The following PARD3B variants were observed in gnomAD, a reference collection of about 807,000 sequenced individuals.
PARD3B encodes partitioning defective 3 homolog B.
A neutral mutation model predicts 130.2 loss-of-function variants in PARD3B; 103 were observed. The observed-to-expected ratio is 0.79, with a 90% confidence interval of 0.67 to 0.93. The LOEUF is 0.93. Among genes scored for constraint, PARD3B ranks in the 40% least tolerant of loss-of-function variants. PARD3B has a pLI of 0.00. For missense variants in PARD3B, 1,609 were observed against 1,499.2 expected (o/e 1.07, Z -1.21); for synonymous variants, 583 against 553.2 (o/e 1.05, Z -0.76).
chr2:204,708,456 T>C (rs2038285080), intron 2 of PARD3B, among the ~76,000 whole-genome samples: 1 of 152,226 alleles, frequency 6.6e-6, no homozygotes, highest in African/African-American at 2.4e-5. Flanking sequence ...GGTTATTAGA[T>C]TTCAGAAACG....
intron 22 of PARD3B, among the ~76,000 whole-genome samples, chr2:205,569,519 A>G (rs2053485439): frequency 6.6e-6 from 1 of 152,168 alleles, no homozygotes; most frequent in Non-Finnish European, 1.5e-5. Flanking sequence ...TAGTAATGTG[A>G]TTTTGTAATA....
chr2:204,998,854 C>T (rs957478885), intron 3 of PARD3B, among the ~76,000 whole-genome samples: 11 of 152,246 alleles, frequency 7.2e-5, no homozygotes, highest in African/African-American at 2.4e-4. Context: ...GCTGGGGTTA[C>T]AGGCATGCGC....
chr2:205,044,995 A>G (rs914853436), intron 3 of PARD3B, among the ~76,000 whole-genome samples: 8 of 152,138 alleles, frequency 5.3e-5, no homozygotes. Context: ...TAACACATTT[A>G]GAGAGAAAGA....
chr2:205,608,910 T>C (rs1237439709), intron 22 of PARD3B, among the ~76,000 whole-genome samples: 1 of 152,220 alleles, frequency 6.6e-6, no homozygotes, highest in African/African-American at 2.4e-5. Context: ...TGTACAAACA[T>C]TTCCTTGGTG....
chr2:205,485,555 G>A (rs2049405422), intron 20 of PARD3B, among the ~76,000 whole-genome samples: 1 of 152,102 alleles, frequency 6.6e-6, no homozygotes, highest in African/African-American at 2.4e-5. Flanking sequence ...TGATATATGG[G>A]GTTACAGAGA....
At chr2:205,283,855 A>T (rs1176756000) in intron 16 of PARD3B, among the ~76,000 whole-genome samples, 1 of 152,160 alleles carries the variant, frequency 6.6e-6, no homozygotes, top group Non-Finnish European at 1.5e-5. Context: ...CCCTGAAGTA[A>T]GCCAGCGGCC....
At chr2:205,214,023 T>C (rs1318448695) in intron 15 of PARD3B, among the ~76,000 whole-genome samples, 3 of 152,198 alleles carry the variant, frequency 2.0e-5, no homozygotes, top group African/African-American at 7.2e-5. Context: ...CCTCCTAGTC[T>C]TCTGTTCATT....
intron 1 of PARD3B, among the ~76,000 whole-genome samples, chr2:204,614,994 A>G (rs955549605): frequency 6.6e-6 from 1 of 152,174 alleles, no homozygotes; most frequent in Non-Finnish European, 1.5e-5. Flanking sequence ...TGTGAGGTAA[A>G]TGTTTTTCCA....
intron 21 of PARD3B, among the ~76,000 whole-genome samples, chr2:205,514,983 C>G (rs1383485702): frequency 6.6e-6 from 1 of 151,988 alleles, no homozygotes; most frequent in Non-Finnish European, 1.5e-5. Context: ...GCTCCTCTCC[C>G]TCCCCCGACC....
Position 205,265,972 on chromosome 2 carries a change from A to C in PARD3B, c.2185+20150A>C, listed in dbSNP as rs557969673. Among the ~76,000 whole-genome samples, 24 of 152,094 alleles carry C rather than the reference A, an allele frequency of 1.6e-4. No homozygotes were observed. The highest frequency in any genetic ancestry group is 3.9e-4 in the Admixed American group (6 of 15,276). ...GTTAAAAGCAGCATGCACATCCTAT[A>C]AGGCATCAGTCAGAAGACTCATTAG... is the stretch of plus-strand genomic sequence containing the variant. On this transcript the variant is annotated intron_variant, in intron 16 of 22. Transcript: ENST00000406610. This position sits in a 1 kb window ranked among gnomAD's most constrained non-coding sequence, Gnocchi z 4.3.
At chr2:205,048,535 A>G (rs1430045313) in intron 4 of PARD3B, 1 of 152,200 alleles carries the variant, frequency 6.6e-6, no homozygotes, top group Non-Finnish European at 1.5e-5. Flanking sequence ...TAACATAGCC[A>G]TATTAAAAAT....
chr2:205,394,936 C>T (rs1574908773), intron 18 of PARD3B, among the ~76,000 whole-genome samples: 2 of 152,234 alleles, frequency 1.3e-5, no homozygotes, highest in East Asian at 3.9e-4. Flanking sequence ...GATGGTTTCT[C>T]AGTGTGAATG....
intron 18 of PARD3B, among the ~76,000 whole-genome samples, chr2:205,311,012 A>G (rs369253353): frequency 3.9e-5 from 6 of 152,172 alleles, no homozygotes; most frequent in Non-Finnish European, 5.9e-5. Context: ...TTGAGCCACC[A>G]TGCCCAGCTG....
rs1354849751 is a variant in PARD3B at position 205,160,750 on chromosome 2, A to G, written c.1620+1843A>G. Among the ~76,000 whole-genome samples the G allele has an allele frequency of 6.6e-6, 1 of 152,222 alleles. No individual in the cohort carries two copies. The highest frequency in any genetic ancestry group is 1.9e-4 in the East Asian group (1 of 5,184). ...TGTTTTATATGGGTTATCTAACTTT[A>G]TTCACATTTACATTGGATTATTTTC... On this transcript the variant is annotated intron_variant, in intron 11 of 22. Transcript: ENST00000406610. The surrounding 1 kb of genome is among the most constrained non-coding windows in gnomAD (Gnocchi z 4.0).
At chr2:205,524,347 A>G (rs1010177550) in intron 21 of PARD3B, among the ~76,000 whole-genome samples, 1 of 152,178 alleles carries the variant, frequency 6.6e-6, no homozygotes, top group African/African-American at 2.4e-5. Flanking sequence ...AAACCTCAAC[A>G]TCAGGACTGT....
At chr2:205,299,577 A>ATATATATATATAAT (rs1259927127) in intron 16 of PARD3B, among the ~76,000 whole-genome samples, 1 of 3,398 alleles carries the variant, frequency 2.9e-4, no homozygotes, top group African/African-American at 9.4e-4. Flanking sequence ...ATATATATAT[A>ATATATATATATAAT]ATATATATAT....
chr2:205,322,912 TTTTTTTTTTTTTTTTTTTTG>T (rs2042802724), intron 18 of PARD3B, among the ~76,000 whole-genome samples: 1 of 111,582 alleles, frequency 9.0e-6, no homozygotes, highest in African/African-American at 3.4e-5. Context: ...TTTTTTTTTT[TTTTTTTTTTTTTTTTTTTTG>T]ATGGAGTCTT....
At chr2:204,764,614 G>A (rs2125414961) in intron 2 of PARD3B, among the ~76,000 whole-genome samples, 1 of 152,118 alleles carries the variant, frequency 6.6e-6, no homozygotes, top group South Asian at 2.1e-4. Flanking sequence ...TGAATAAATA[G>A]ATGCACACAC....
Position 204,890,569 on chromosome 2 carries a change from C to T in PARD3B, c.223-74583C>T, listed in dbSNP as rs1054685809. 7.2e-5 allele frequency among the ~76,000 whole-genome samples: 11 copies of T among 152,022 alleles called. No individual in the cohort carries two copies. The highest frequency in any genetic ancestry group is 7.2e-4 in the Admixed American group (11 of 15,260). On this transcript the variant is annotated intron_variant, in intron 2 of 22. Transcript: ENST00000406610. This position sits in a 1 kb window ranked among gnomAD's most constrained non-coding sequence, Gnocchi z 4.9. ...TTTGGGTACCATCATTGATTTCCAC[C>T]TCCCCCCACCACATCCCCTTATAGT...
Sources: allele counts gnomAD v4.1 joint callset (sites outside exome capture counted in the v4.1 genomes callset), GRCh38; gene constraint gnomAD v4.1.1; non-coding constraint Gnocchi (gnomAD v3.1); transcripts MANE v1.5; gene names NCBI Gene and HGNC (gene_info 2026-07-23, HGNC 2026-07-21).